Variants in RNF24 observed in about 807,000 individuals in gnomAD.
RNF24 encodes ring finger protein 24.
RNF24 carries 14 observed loss-of-function variants against 20.0 expected under a neutral mutation model. The observed-to-expected ratio is 0.70, with a 90% CI of 0.46 to 1.10. The LOEUF is 1.10. RNF24 is among the 50% of genes least tolerant of loss of function. RNF24 has a pLI of 0.00. For missense variants in RNF24, 124 were observed against 177.6 expected, an observed-to-expected ratio of 0.70 and a Z score of 1.71; for synonymous variants, 45 against 61.1, an observed-to-expected ratio of 0.74 and a Z score of 1.23.
intron 2 of RNF24, among the ~76,000 whole-genome samples, chr20:3,954,901 G>A (rs241649): frequency 0.88 from 131,506 of 149,110 alleles, 58,185 homozygotes; most frequent in Non-Finnish European, 0.91. Flanking sequence ...TCCATCTCAA[G>A]AAAAAAAAAA....
Position 3,930,995 on chromosome 20 carries a change from C to T in RNF24, c.*3068G>A, listed in dbSNP as rs2146928678. 6.6e-6 allele frequency: 1 copy of T among 152,396 alleles called. No homozygotes were observed. Among genetic ancestry groups the T allele is most frequent in the African/African-American group, 2.4e-5 (1 of 41,576 alleles). 9.4% of individuals were successfully genotyped at this position (152,396 alleles called of 1,614,324 possible). A position where few individuals can be genotyped will look rare whatever the true frequency, so the allele number is the denominator to read the frequency against. ...CTGCCAGGGACAGGCCTAACCAAAT[C>T]ACACGTGGCAAAGAAAAGCAGCAGA... is the stretch of plus-strand genomic sequence containing the variant. On this transcript the variant is annotated 3_prime_UTR_variant, in exon 6 of 6. Transcript: ENST00000358395.
Position 3,931,566 on chromosome 20 carries a change from T to C in RNF24, c.*2497A>G, listed in dbSNP as rs997333713. On this transcript the variant is annotated 3_prime_UTR_variant, in exon 6 of 6. Transcript: ENST00000358395. ...GGAGCAAATATTCGGGTTGTGTTGC[T>C]AAGAGTCGCAGGAACTACTGCTAGT... The C allele has an allele frequency of 2.6e-5, 4 of 152,170 alleles. No homozygotes were observed. Among genetic ancestry groups the C allele is most frequent in the Non-Finnish European group, 2.9e-5 (2 of 68,034 alleles). The allele number at this position is 152,170 out of a possible 1,614,324, so 9.4% of individuals were successfully genotyped here. A position where few individuals can be genotyped will look rare whatever the true frequency, so the allele number is the denominator to read the frequency against.
At chr20:3,979,322 A>C (rs1979187742) in intron 1 of RNF24, among the ~76,000 whole-genome samples, 1 of 152,106 alleles carries the variant, frequency 6.6e-6, no homozygotes, top group African/African-American at 2.4e-5. Flanking sequence ...AAATTAACTC[A>C]ACAATAAAAA....
At chr20:3,952,360 A>C (rs1263537371) in intron 2 of RNF24, among the ~76,000 whole-genome samples, 1 of 151,900 alleles carries the variant, frequency 6.6e-6, no homozygotes, top group African/African-American at 2.4e-5. Flanking sequence ...AAAAATCTTT[A>C]TTTTCTAATT....
intron 1 of RNF24, among the ~76,000 whole-genome samples, chr20:3,972,401 T>C (rs1411380764): frequency 6.6e-6 from 1 of 152,198 alleles, no homozygotes; most frequent in East Asian, 1.9e-4. Flanking sequence ...TTCCTGGTCA[T>C]AAAACAAATC....
chr20:3,991,473 C>T (rs1449176448), intron 1 of RNF24, among the ~76,000 whole-genome samples: 1 of 151,902 alleles, frequency 6.6e-6, no homozygotes, highest in Non-Finnish European at 1.5e-5. Context: ...AGGATGGTCT[C>T]GATCTCCTAA....
intron 1 of RNF24, among the ~76,000 whole-genome samples, chr20:3,976,857 T>A (rs1978909470): frequency 6.6e-6 from 1 of 152,224 alleles, no homozygotes; most frequent in African/African-American, 2.4e-5. Flanking sequence ...GTATGTTGAC[T>A]GTATCAAAGT....
intron 4 of RNF24, among the ~76,000 whole-genome samples, chr20:3,941,321 G>A (rs1344670957): frequency 1.3e-5 from 2 of 152,098 alleles, no homozygotes; most frequent in Non-Finnish European, 2.9e-5. Flanking sequence ...ATATAATGAT[G>A]GGATTTTTCA....
intron 2 of RNF24, among the ~76,000 whole-genome samples, chr20:3,952,047 G>A (rs1361851381): frequency 6.6e-6 from 1 of 152,050 alleles, no homozygotes; most frequent in Admixed American, 6.5e-5. Context: ...CTTTAAAACA[G>A]GTTTTGGGGT....
chr20:3,982,209 A>G (rs2147029290), intron 1 of RNF24, among the ~76,000 whole-genome samples: 1 of 151,498 alleles, frequency 6.6e-6, no homozygotes, highest in Middle Eastern at 3.4e-3. Context: ...TTTGGGGAGA[A>G]TGGGTCTTGC....
At chr20:3,992,822 A>G (rs1015675807) in intron 1 of RNF24, among the ~76,000 whole-genome samples, 4 of 152,238 alleles carry the variant, frequency 2.6e-5, no homozygotes, top group African/African-American at 9.6e-5. Context: ...ATTGGCTTAA[A>G]TAAGTCAAAA....
intron 1 of RNF24, among the ~76,000 whole-genome samples, chr20:3,984,251 A>T (rs1440678704): frequency 1.3e-5 from 2 of 152,088 alleles, no homozygotes; most frequent in Non-Finnish European, 2.9e-5. Flanking sequence ...AAAAAAAAGA[A>T]AAGAAAAGAA....
intron 1 of RNF24, among the ~76,000 whole-genome samples, chr20:3,967,820 T>A (rs564601270): frequency 1.4e-5 from 2 of 141,048 alleles, no homozygotes; most frequent in East Asian, 4.3e-4. Flanking sequence ...ATGGTGAAAC[T>A]CTGTCTCTAT....
At chr20:3,998,383 T>C (rs967291369) in intron 1 of RNF24, among the ~76,000 whole-genome samples, 1 of 152,004 alleles carries the variant, frequency 6.6e-6, no homozygotes, top group East Asian at 1.9e-4. Flanking sequence ...GAGACCAGCC[T>C]GACCAGTATG....
At position 3,955,450 on chromosome 20, in the gene RNF24, G is replaced by A. The variant is rs193248005; in HGVS notation, c.144-7171C>T. On this transcript the variant is annotated intron_variant, in intron 2 of 5. Transcript: ENST00000358395. ...GCATATCAATTTGTCATAGATGTTT[G>A]GATTTATTTCTGGACTCTCAATTCT... 1.3e-4 allele frequency among the ~76,000 whole-genome samples: 20 copies of A among 152,172 alleles called. No individual in the cohort carries two copies. In the East Asian group the frequency reaches 3.5e-3, roughly 26 times the overall value.
intron 1 of RNF24, among the ~76,000 whole-genome samples, chr20:3,973,581 C>T (rs1978585896): frequency 6.8e-6 from 1 of 147,620 alleles, no homozygotes; most frequent in African/African-American, 2.5e-5. Context: ...ACTACAGACA[C>T]TGCAGACATC....
intron 3 of RNF24, among the ~76,000 whole-genome samples, chr20:3,947,603 A>T (rs2091034118): frequency 6.6e-6 from 1 of 152,058 alleles, no homozygotes. Flanking sequence ...GGAAGGAAAA[A>T]TTTCACTTAA....
At chr20:3,955,783 T>G (rs1227444032) in intron 2 of RNF24, among the ~76,000 whole-genome samples, 2 of 152,202 alleles carry the variant, frequency 1.3e-5, no homozygotes, top group Non-Finnish European at 2.9e-5. Context: ...TTACATTTAT[T>G]TAGGTCTTCT....
chr20:3,959,202 T>A (rs1335544167), intron 2 of RNF24, among the ~76,000 whole-genome samples: 2 of 152,208 alleles, frequency 1.3e-5, no homozygotes, highest in Admixed American at 6.5e-5. Context: ...AAATGGAATC[T>A]ATCATCTTTT....
Sources: gnomAD v4.1 joint callset for allele counts (sites outside exome capture counted in the v4.1 genomes callset) on GRCh38, gnomAD v4.1.1 for gene constraint, MANE v1.5 for transcripts, NCBI Gene and HGNC (gene_info 2026-07-23, HGNC 2026-07-21) for gene names.